The following C3orf52 variants were observed in gnomAD, a reference collection of about 807,000 sequenced individuals.
C3orf52 encodes the protein chromosome 3 open reading frame 52.
In C3orf52, 22 loss-of-function variants were observed where a neutral mutation model predicts 24.8. The observed-to-expected ratio is 0.89, with a 90% CI of 0.63 to 1.27. The LOEUF (loss-of-function observed/expected upper bound fraction) is 1.27, where lower values mean the gene tolerates loss of function less well. Among genes scored for constraint, C3orf52 ranks in the 50% most tolerant of loss-of-function variants. The pLI is 0.00. For missense variants in C3orf52, 265 were observed against 260.7 expected (o/e 1.02, Z -0.11); for synonymous variants, 93 against 100.2 (o/e 0.93, Z 0.43).
chr3:112,126,580 C>T (rs2074325081), intron 4 of C3orf52, among the ~76,000 whole-genome samples: 4 of 152,172 alleles, frequency 2.6e-5, no homozygotes, highest in Admixed American at 2.6e-4. Context: ...TACTTGCCCC[C>T]GCCTCCCCAC....
At chr3:112,104,268 C>T (rs76029872) in intron 3 of C3orf52, among the ~76,000 whole-genome samples, 9,329 of 152,128 alleles carry the variant, frequency 0.061, 387 homozygotes, top group African/African-American at 0.12. Flanking sequence ...CAGACTAGGA[C>T]CGTTGGGTGG....
downstream of C3orf52, chr3:112,132,725 G>T (rs996940195): frequency 4.2e-6 from 4 of 949,400 alleles, no homozygotes; most frequent in Non-Finnish European, 5.0e-6. Context: ...GCTGAAAGAG[G>T]GTGGTGATTT....
intron 2 of C3orf52, among the ~76,000 whole-genome samples, chr3:112,102,350 A>G (rs897610853): frequency 2.0e-5 from 3 of 152,094 alleles, no homozygotes; most frequent in Admixed American, 6.6e-5. Flanking sequence ...CTGTTTTCCC[A>G]TTTATAAAAT....
rs1376532189 is a variant in C3orf52, at chr3:112,123,752, G to A, written c.*46+4190G>A. 2.5e-6 allele frequency: 4 copies of A among 1,613,320 alleles called. No individual in the cohort carries two copies. In the Admixed American group the frequency reaches 6.7e-5, roughly 27 times the overall value. On this transcript the variant is annotated intron_variant, in intron 4 of 4. Transcript: ENST00000480282. ...TGAGGGTATAGCACAGCTCCTCTGA[G>A]TAGGTCTGGTCAACATTGTCCTGCT...
downstream of C3orf52, chr3:112,130,227 G>A (rs2107812785): frequency 1.7e-6 from 1 of 575,070 alleles, no homozygotes; most frequent in East Asian, 2.9e-5. Flanking sequence ...CTTAGTTCCT[G>A]TTGCTAGGAG....
chr3:112,129,003 T>C (rs1367409587), downstream of C3orf52: 1 of 152,256 alleles, frequency 6.6e-6, no homozygotes, highest in African/African-American at 2.4e-5. Flanking sequence ...GACTGCATCG[T>C]GACCTTGGCT....
At chr3:112,134,287 C>A (rs746942628), downstream of C3orf52, 1 of 152,194 alleles carries the variant, frequency 6.6e-6, no homozygotes, top group Admixed American at 6.5e-5. Context: ...ACCTGGGTAC[C>A]AACAGGGCAG....
chr3:112,116,185 A>G (rs2074131988), intron 5 of C3orf52, among the ~76,000 whole-genome samples: 2 of 151,884 alleles, frequency 1.3e-5, no homozygotes. Flanking sequence ...TGGTCTGTAG[A>G]CCCCGGCGGG....
chr3:112,092,852 C>T (rs1048232508), intron 1 of C3orf52, among the ~76,000 whole-genome samples: 3 of 152,150 alleles, frequency 2.0e-5, no homozygotes, highest in Non-Finnish European at 4.4e-5. Flanking sequence ...CTCTAAACCA[C>T]ACATGATTTT....
At chr3:112,110,355 A>G (rs2074067561) in intron 4 of C3orf52, among the ~76,000 whole-genome samples, 1 of 152,054 alleles carries the variant, frequency 6.6e-6, no homozygotes, top group African/African-American at 2.4e-5. Flanking sequence ...AAAAATAAAA[A>G]AAAGAAGACA....
At chr3:112,099,354 T>G (rs1272840219) in intron 2 of C3orf52, among the ~76,000 whole-genome samples, 3 of 152,194 alleles carry the variant, frequency 2.0e-5, no homozygotes, top group Non-Finnish European at 4.4e-5. Context: ...TAACATATCC[T>G]TCATCCCAAT....
At chr3:112,109,055 C>T (rs2074053818) in intron 3 of C3orf52, among the ~76,000 whole-genome samples, 1 of 152,140 alleles carries the variant, frequency 6.6e-6, no homozygotes, top group African/African-American at 2.4e-5. Flanking sequence ...TTTGCAGTTC[C>T]CCTCTTTGTC....
intron 1 of C3orf52, among the ~76,000 whole-genome samples, chr3:112,088,012 T>C (rs1189031798): frequency 1.3e-5 from 2 of 152,224 alleles, no homozygotes; most frequent in African/African-American, 4.8e-5. Flanking sequence ...CATGCAGGGT[T>C]ATCAGTATTC....
chr3:112,095,698 C>T (rs1269545630), intron 2 of C3orf52, among the ~76,000 whole-genome samples: 2 of 150,244 alleles, frequency 1.3e-5, no homozygotes, highest in African/African-American at 2.5e-5. Context: ...TTTCAAACTA[C>T]TTTTTAAATC....
chr3:112,113,222 C>A, intron 5 of C3orf52, 77 bp downstream of exon 5: 3 of 1,180,430 alleles, frequency 2.5e-6, no homozygotes, highest in South Asian at 1.5e-5. Context: ...TGGCTTGGTT[C>A]GATTTGGCAA....
intron 4 of C3orf52, chr3:112,112,088 A>T (rs958861897): frequency 1.3e-5 from 2 of 152,276 alleles, no homozygotes; most frequent in African/African-American, 4.8e-5. Flanking sequence ...ATAGTCTCAG[A>T]TGTGGCCTCC....
intron 4 of C3orf52, chr3:112,125,358 T>G: frequency 1.3e-6 from 1 of 786,452 alleles, no homozygotes; most frequent in African/African-American, 1.7e-5. Context: ...AAGAAACAGC[T>G]GGGGTAGCTC....
At chr3:112,118,716 T>A (rs2074161798), downstream of C3orf52, among the ~76,000 whole-genome samples, 2 of 152,274 alleles carry the variant, frequency 1.3e-5, no homozygotes, top group South Asian at 4.1e-4. Flanking sequence ...AGGAGATAAA[T>A]CTACTGGTCA....
chr3:112,117,165 C>T lies in C3orf52; in HGVS notation c.*519C>T. ...AGGCAGCCAGGTTACGAAGACTAAG[C>T]CAATTATTCACTGAAGTCATCCTCC... On this transcript the variant is annotated 3_prime_UTR_variant, in exon 6 of 6. Transcript: ENST00000264848. The T allele has an allele frequency of 1.8e-6, 1 of 560,078 alleles. No individual in the cohort carries two copies. Among genetic ancestry groups the T allele is most frequent in the South Asian group, 2.6e-5 (1 of 38,218 alleles). The allele number at this position is 560,078 out of a possible 1,614,324, so 34.7% of individuals were successfully genotyped here.
Sources: gnomAD v4.1 joint callset for allele counts (sites outside exome capture counted in the v4.1 genomes callset) on GRCh38, gnomAD v4.1.1 for gene constraint, MANE v1.5 for transcripts, NCBI Gene and HGNC (gene_info 2026-07-23, HGNC 2026-07-21) for gene names.